Variants in FAM168A observed in about 807,000 individuals in gnomAD.
FAM168A encodes the protein family with sequence similarity 168 member A, also known as protein FAM168A.
Under a neutral mutation model 28.5 loss-of-function variants are expected in FAM168A, and 3 were observed. That is an observed-to-expected ratio of 0.11 (90% confidence interval 0.05 to 0.27). The LOEUF (loss-of-function observed/expected upper bound fraction) is 0.27, where lower values mean the gene tolerates loss of function less well. Ranked by LOEUF, FAM168A falls within the 10% of genes least tolerant of loss-of-function variation. FAM168A has a pLI of 1.00. For synonymous variants in FAM168A, 122 were observed against 124.2 expected, an observed-to-expected ratio of 0.98 and a Z score of 0.12; for missense variants, 222 against 311.5, an observed-to-expected ratio of 0.71 and a Z score of 2.16.
At chr11:73,501,516 AG>A (rs1304580568) in intron 1 of FAM168A, among the ~76,000 whole-genome samples, 1 of 152,238 alleles carries the variant, frequency 6.6e-6, no homozygotes, top group Non-Finnish European at 1.5e-5. Context: ...ACAATCAAAT[AG>A]AACTTAGGAT....
At chr11:73,472,930 A>G (rs1280942029) in intron 1 of FAM168A, among the ~76,000 whole-genome samples, 1 of 152,128 alleles carries the variant, frequency 6.6e-6, no homozygotes, top group Non-Finnish European at 1.5e-5. Context: ...TTTGCTCAGA[A>G]CAATGTTTGA....
At chr11:73,513,065 A>T (rs1177615112) in intron 1 of FAM168A, among the ~76,000 whole-genome samples, 1 of 152,120 alleles carries the variant, frequency 6.6e-6, no homozygotes, top group East Asian at 1.9e-4. Flanking sequence ...AATATCACTG[A>T]CTATCCATAA....
chr11:73,554,101 C>T (rs1018452016), intron 1 of FAM168A, among the ~76,000 whole-genome samples: 10 of 152,042 alleles, frequency 6.6e-5, no homozygotes, highest in South Asian at 2.1e-4. Flanking sequence ...TGAGGCCAGG[C>T]GCAGTGGCTC....
rs1225037378 is a variant in FAM168A at position 73,544,872 on chromosome 11, T to C, written c.-19+53051A>G. On this transcript the variant is annotated intron_variant, in intron 1 of 7. Transcript: ENST00000356467. ...ATATATAATATATAATATATAATTA[T>C]ATATATTATATATAAAATATAAAAT... is the stretch of plus-strand genomic sequence containing the variant. 2.1e-5 allele frequency among the ~76,000 whole-genome samples: 2 copies of C among 97,512 alleles called. 1 individual carries two copies. Among genetic ancestry groups the C allele is most frequent in the African/African-American group, 9.3e-5 (2 of 21,612 alleles). 64.0% of individuals were successfully genotyped at this position (97,512 alleles called of 152,430 possible).
intron 3 of FAM168A, among the ~76,000 whole-genome samples, chr11:73,421,360 T>C (rs1373547252): frequency 6.6e-6 from 1 of 152,208 alleles, no homozygotes; most frequent in Non-Finnish European, 1.5e-5. Context: ...GAACCAAGGC[T>C]AGAATTATGG....
At chr11:73,546,134 A>G (rs868748047) in intron 1 of FAM168A, among the ~76,000 whole-genome samples, 13 of 152,322 alleles carry the variant, frequency 8.5e-5, no homozygotes, top group Admixed American at 3.3e-4. Context: ...GACTAAGATC[A>G]TAAGCACACA....
At chr11:73,517,518 T>C (rs1943319666) in intron 1 of FAM168A, among the ~76,000 whole-genome samples, 1 of 151,774 alleles carries the variant, frequency 6.6e-6, no homozygotes, top group East Asian at 1.9e-4. Context: ...TTATTAACAG[T>C]GAAAGGGTAC....
chr11:73,484,505 G>GAT (rs1868011474), intron 1 of FAM168A, among the ~76,000 whole-genome samples: 1 of 83,430 alleles, frequency 1.2e-5, no homozygotes, highest in Admixed American at 9.5e-5. Context: ...AGAGGAGAGA[G>GAT]AGATATATAT....
At chr11:73,559,300 G>A (rs1244661785) in intron 1 of FAM168A, among the ~76,000 whole-genome samples, 2 of 152,022 alleles carry the variant, frequency 1.3e-5, no homozygotes, top group African/African-American at 4.8e-5. Context: ...CCAGTTACTC[G>A]GGAGGCTGAG....
Position 73,411,351 on chromosome 11 carries a change from G to A in FAM168A, c.420+43C>T, listed in dbSNP as rs377443780. 8 of 1,541,570 alleles carry A rather than the reference G, an allele frequency of 5.2e-6. No individual in the cohort carries two copies. The Admixed American group carries it at 7.8e-5, about 15-fold the overall frequency. ...CCCACCACACTGCACCCAGGCTGAA[G>A]GCTCCTCTACCTGCAGAAGAGGTGG... On this transcript the variant is annotated intron_variant, in intron 5 of 7. Transcript: ENST00000356467.
At chr11:73,529,796 C>CTTTTTTTTTTTTTTTTTTTTTTTT (rs772530179) in intron 1 of FAM168A, among the ~76,000 whole-genome samples, 4 of 127,512 alleles carry the variant, frequency 3.1e-5, no homozygotes, top group African/African-American at 1.3e-4. Context: ...ACTTTTTCTT[C>CTTTTTTTTTTTTTTTTTTTTTTTT]TTTTTTTTTT....
chr11:73,490,587 C>T (rs1868114109), intron 1 of FAM168A, among the ~76,000 whole-genome samples: 1 of 152,212 alleles, frequency 6.6e-6, no homozygotes, highest in African/African-American at 2.4e-5. Flanking sequence ...TTCCTTAAAA[C>T]ATACCAGGAC....
At chr11:73,484,625 T>C (rs1045211405) in intron 1 of FAM168A, among the ~76,000 whole-genome samples, 2 of 145,414 alleles carry the variant, frequency 1.4e-5, no homozygotes, top group African/African-American at 5.1e-5. Context: ...TATCTATATA[T>C]AGATATCTAT....
intron 1 of FAM168A, among the ~76,000 whole-genome samples, chr11:73,512,916 C>T (rs752891247): frequency 8.5e-5 from 13 of 152,120 alleles, no homozygotes; most frequent in Non-Finnish European, 1.2e-4. Flanking sequence ...TAATCCCTGA[C>T]CTCAAGGCAT....
At chr11:73,484,536 CTATA>C (rs1413671043) in intron 1 of FAM168A, among the ~76,000 whole-genome samples, 1 of 143,912 alleles carries the variant, frequency 6.9e-6, no homozygotes, top group African/African-American at 2.6e-5. Flanking sequence ...ATCTATATAT[CTATA>C]TATCTATCTA....
At chr11:73,489,203 T>G (rs1348206162) in intron 1 of FAM168A, among the ~76,000 whole-genome samples, 2 of 152,152 alleles carry the variant, frequency 1.3e-5, no homozygotes, top group African/African-American at 4.8e-5. Flanking sequence ...TCATGTCTCC[T>G]TCCCTTCATA....
At chr11:73,539,092 T>C (rs890498774) in intron 1 of FAM168A, among the ~76,000 whole-genome samples, 2 of 152,218 alleles carry the variant, frequency 1.3e-5, no homozygotes, top group African/African-American at 2.4e-5. Context: ...TTAATTTGGC[T>C]GCGCATTTCA....
At chr11:73,590,547 C>T (rs1399471919) in intron 1 of FAM168A, among the ~76,000 whole-genome samples, 2 of 152,112 alleles carry the variant, frequency 1.3e-5, no homozygotes, top group Non-Finnish European at 2.9e-5. Flanking sequence ...CATAAACAGG[C>T]AAAAATAATC....
intron 1 of FAM168A, among the ~76,000 whole-genome samples, chr11:73,597,119 C>G (rs996157950): frequency 1.3e-5 from 2 of 152,036 alleles, no homozygotes; most frequent in Non-Finnish European, 2.9e-5. Context: ...TCCCTGTCCT[C>G]CCATTTCGGG....
Sources: gnomAD v4.1 joint callset for allele counts (sites outside exome capture counted in the v4.1 genomes callset) on GRCh38, gnomAD v4.1.1 for gene constraint, MANE v1.5 for transcripts, NCBI Gene and HGNC (gene_info 2026-07-23, HGNC 2026-07-21) for gene names.